Variants in GHRHR observed in about 807,000 individuals in gnomAD.
The protein encoded by GHRHR is growth hormone-releasing hormone receptor.
Under a neutral mutation model 58.3 loss-of-function variants are expected in GHRHR, and 40 were observed. The observed-to-expected ratio is 0.69, with a 90% CI of 0.53 to 0.89. The LOEUF (loss-of-function observed/expected upper bound fraction) is 0.89. Ranked by LOEUF, GHRHR falls within the 40% of genes least tolerant of loss-of-function variation. GHRHR has a pLI of 0.00. For synonymous variants in GHRHR, 249 were observed against 216.6 expected (o/e 1.15, Z -1.31); for missense variants, 551 against 541.3 (o/e 1.02, Z -0.18).
chr7:30,971,885 T>G, intron 5 of GHRHR, 78 bp from the exon 6 acceptor site: 2 of 1,335,558 alleles, frequency 1.5e-6, no homozygotes, highest in Non-Finnish European at 2.2e-6. Context: ...CCTCCTGCCC[T>G]GTTCAGCCCA....
chr7:30,973,002 C>G (rs2128598049), intron 6 of GHRHR, among the ~76,000 whole-genome samples: 1 of 152,256 alleles, frequency 6.6e-6, no homozygotes, highest in Admixed American at 6.5e-5. Context: ...TTTGTGTCCC[C>G]CAAACTTAAC....
rs1369910213 is a variant in GHRHR at position 30,969,909 on chromosome 7, C to T, written c.311C>T (p.Pro104Leu). The change falls in exon 4 of 13, where the codon CCC becomes CTC. Residue 104 changes from proline to leucine, a missense_variant. By Grantham distance (98) the Pro-to-Leu change is moderately conservative. Coordinates refer to ENST00000326139, the MANE Select transcript of GHRHR (RefSeq NM_000823.4). ...RDCTITGWSEPFPPYPVACPV... is the reference protein window; with the variant it reads ...RDCTITGWSELFPPYPVACPV... ...TGTACTATCACTGGCTGGTCTGAGC[C>T]CTTTCCACCTTACCCTGTGGCCTGC... is the stretch of plus-strand genomic sequence containing the variant. The T allele has an allele frequency of 1.9e-6, 3 of 1,598,924 alleles. No individual in the cohort carries two copies. Among genetic ancestry groups the T allele is most frequent in the African/African-American group, 2.7e-5 (2 of 74,634 alleles).
chr7:30,967,383 C>G (rs997423250), intron 1 of GHRHR, among the ~76,000 whole-genome samples: 1 of 152,080 alleles, frequency 6.6e-6, no homozygotes. Context: ...AGAAGATTCC[C>G]AAAAAAACCC....
chr7:30,969,178 G>C lies in GHRHR; in HGVS notation c.268+8G>C. 1 of 1,511,574 alleles carries C rather than the reference G, an allele frequency of 6.6e-7. No homozygotes were observed. The allele number at this position is 1,511,574 out of a possible 1,614,324, so 93.6% of individuals were successfully genotyped here. Reference sequence around the variant, plus strand: ...ACTTCAGCTCAGAGTCAGGTGAGGGGTGCTGGGTGTGGCGGTGGGAAAGGG... The same window carrying C: ...ACTTCAGCTCAGAGTCAGGTGAGGGCTGCTGGGTGTGGCGGTGGGAAAGGG... On this transcript the variant is annotated splice_region_variant and intron_variant, in intron 3 of 12. Transcript: ENST00000326139.
Position 30,975,850 on chromosome 7 carries a change from A to G in GHRHR, c.956A>G (p.His319Arg), listed in dbSNP as rs1371362946. The change falls in exon 10 of 13, where the codon CAT (histidine) becomes CGT (arginine). Residue 319 changes from histidine to arginine, a missense_variant. Physicochemically the swap from His to Arg is conservative, Grantham distance 29. Coordinates refer to ENST00000326139, the MANE Select transcript of GHRHR (RefSeq NM_000823.4). The part of the protein sequence containing the change: ...RKLEPAQGSL[H>R]TQSQYWRLSK... ...CTGGAGCCAGCTCAGGGCAGCCTCC[A>G]TACCCAGTCTCAGTATTGGTACTGT... 5.0e-6 allele frequency: 8 copies of G among 1,600,204 alleles called. No individual in the cohort carries two copies. Among genetic ancestry groups the G allele is most frequent in the Non-Finnish European group, 6.9e-6 (8 of 1,167,404 alleles).
At chr7:30,970,040 G>T in intron 4 of GHRHR, 76 bp downstream of exon 4, 1 of 786,392 alleles carries the variant, frequency 1.3e-6, no homozygotes. Flanking sequence ...TGTAGGGGCC[G>T]CCATTCTCTA....
chr7:30,967,214 G>A (rs1203361303), intron 1 of GHRHR, among the ~76,000 whole-genome samples: 3 of 152,162 alleles, frequency 2.0e-5, no homozygotes, highest in Admixed American at 2.0e-4. Flanking sequence ...GGGGCGGTGG[G>A]AGGGAGAAGT....
Position 30,979,339 on chromosome 7 carries a change from C to A in GHRHR, c.*95C>A. 2.3e-6 allele frequency: 3 copies of A among 1,298,462 alleles called. No homozygotes were observed. The highest frequency in any genetic ancestry group is 3.3e-6 in the Non-Finnish European group (3 of 919,744). The allele number at this position is 1,298,462 out of a possible 1,614,324, so 80.4% of individuals were successfully genotyped here. On this transcript the variant is annotated 3_prime_UTR_variant, in exon 13 of 13. Coordinates refer to ENST00000326139, the MANE Select transcript of GHRHR (RefSeq NM_000823.4). ...AGGAGCAAGGGGGCCACATCCCCACCCCAGCTGTTACCCAGCCCGGGGCAG... is the reference window on the plus strand; with the variant it reads ...AGGAGCAAGGGGGCCACATCCCCACACCAGCTGTTACCCAGCCCGGGGCAG...
chr7:30,974,346 G>A (rs1792535151), intron 7 of GHRHR, 83 bp from the exon 8 acceptor site: 3 of 1,168,828 alleles, frequency 2.6e-6, no homozygotes, highest in South Asian at 2.4e-5. Context: ...CTACGTGGCT[G>A]ATGGTGGTGG....
intron 11 of GHRHR, among the ~76,000 whole-genome samples, 184 bp downstream of exon 11, chr7:30,976,742 TTCCA>T (rs916372072): frequency 2.0e-5 from 3 of 152,040 alleles, no homozygotes; most frequent in Admixed American, 1.3e-4. Context: ...CCATGCATTC[TTCCA>T]TCCATCCATC....
chr7:30,969,707 G>T, intron 3 of GHRHR, 160 bp from the exon 4 acceptor site: 1 of 748,860 alleles, frequency 1.3e-6, no homozygotes, highest in South Asian at 1.4e-5. Flanking sequence ...CCCTGGGCAG[G>T]CTAGACCTGG....
At chr7:30,969,029 G>T in intron 2 of GHRHR, 34 bp from the exon 3 acceptor site, 1 of 1,556,776 alleles carries the variant, frequency 6.4e-7, no homozygotes. Flanking sequence ...CTGCACCTGG[G>T]CTGAGTCTCT....
chr7:30,978,017 C>T (rs777938157), intron 12 of GHRHR, among the ~76,000 whole-genome samples: 1 of 152,146 alleles, frequency 6.6e-6, no homozygotes, highest in Non-Finnish European at 1.5e-5. Context: ...GATCTCAATG[C>T]CCCGGACTCC....
At chr7:30,975,140 C>T in intron 9 of GHRHR, 100 bp downstream of exon 9, 1 of 855,702 alleles carries the variant, frequency 1.2e-6, no homozygotes, top group South Asian at 1.3e-5. Context: ...GGCTGGGTGT[C>T]TTGAAAACTG....
In GHRHR at chr7:30,968,952, GGCA is replaced by G; in HGVS notation, c.160+18_160+20del. 1 of 1,584,400 alleles carries G rather than the reference GGCA, an allele frequency of 6.3e-7. No homozygotes were observed. Among genetic ancestry groups the G allele is most frequent in the Non-Finnish European group, 8.7e-7 (1 of 1,153,096 alleles). ...ACCACCCTGGGTATGGGGCCTAGGA[GGCA>G]GGTGGTGGCTTCTCTGATTCCTTTA... On this transcript the variant is annotated intron_variant, in intron 2 of 12. Transcript: ENST00000326139.
intron 5 of GHRHR, 64 bp from the exon 6 acceptor site, chr7:30,971,899 G>A (rs537701361): frequency 2.0e-6 from 3 of 1,513,898 alleles, no homozygotes; most frequent in South Asian, 1.1e-5. Flanking sequence ...CAGCCCAGTT[G>A]CAGCACACCA....
At chr7:30,972,538 C>T (rs542889304) in intron 6 of GHRHR, among the ~76,000 whole-genome samples, 11 of 152,094 alleles carry the variant, frequency 7.2e-5, no homozygotes, top group Middle Eastern at 3.4e-3. Context: ...TAGGAGAGAA[C>T]GAGAGGGGGC....
chr7:30,979,277 G>T lies in GHRHR; in HGVS notation c.*33G>T, dbSNP rs1241614978. 8 of 1,609,608 alleles carry T rather than the reference G, an allele frequency of 5.0e-6. No individual in the cohort carries two copies. Among genetic ancestry groups the T allele is most frequent in the South Asian group, 1.1e-5 (1 of 90,700 alleles). On this transcript the variant is annotated 3_prime_UTR_variant, in exon 13 of 13. Coordinates refer to ENST00000326139, the MANE Select transcript of GHRHR (RefSeq NM_000823.4). ...CATCACGCCACTGGAGTCCACACTT[G>T]AATTTGGGCAGCTACCACGGGTCTG...
intron 5 of GHRHR, among the ~76,000 whole-genome samples, chr7:30,971,530 G>C (rs73307736): frequency 0.046 from 6,964 of 152,058 alleles, 469 homozygotes; most frequent in African/African-American, 0.14. Context: ...CCTGCCCAGA[G>C]CCCCTCTTGA....
Sources: gnomAD v4.1 joint callset for allele counts (sites outside exome capture counted in the v4.1 genomes callset) on GRCh38, gnomAD v4.1.1 for gene constraint, MANE v1.5 for transcripts, NCBI Gene and HGNC (gene_info 2026-07-23, HGNC 2026-07-21) for gene names.